The following TMPRSS15 variants were observed in gnomAD, a reference collection of about 807,000 sequenced individuals.
The protein encoded by TMPRSS15 is transmembrane serine protease 15.
TMPRSS15 carries 128 observed loss-of-function variants against 125.3 expected under a neutral mutation model. That is an observed-to-expected ratio of 1.02 (90% CI 0.89 to 1.18). The LOEUF is 1.18. TMPRSS15 is among the 50% of genes most tolerant of loss of function. TMPRSS15 has a pLI of 0.00. For synonymous variants in TMPRSS15, 446 were observed against 423.2 expected (o/e 1.05, Z -0.66); for missense variants, 1,283 against 1,212.7 (o/e 1.06, Z -0.86).
At chr21:18,352,591 C>T (rs1038469139) in intron 10 of TMPRSS15, among the ~76,000 whole-genome samples, 2 of 151,928 alleles carry the variant, frequency 1.3e-5, no homozygotes, top group African/African-American at 4.8e-5. Flanking sequence ...AGCTAATTGC[C>T]TCACTCAAAT....
At chr21:18,476,425 GA>G (rs1458503511) in intron 1 of TMPRSS15, among the ~76,000 whole-genome samples, 1 of 152,066 alleles carries the variant, frequency 6.6e-6, no homozygotes, top group Non-Finnish European at 1.5e-5. Context: ...TCTTTAAAGG[GA>G]AAATGAACTA....
At chr21:18,295,117 A>G (rs116907908) in intron 19 of TMPRSS15, among the ~76,000 whole-genome samples, 4,678 of 152,304 alleles carry the variant, frequency 0.031, 92 homozygotes, top group Non-Finnish European at 0.047. Context: ...CGTGCCCAAC[A>G]CCGTGTATGA....
At chr21:18,343,467 A>T in intron 12 of TMPRSS15, 39 bp downstream of exon 12, 1 of 1,524,186 alleles carries the variant, frequency 6.6e-7, no homozygotes, top group Non-Finnish European at 9.1e-7. Context: ...TTCCACCACA[A>T]AAAGGATACA....
chr21:18,328,854 G>A (rs1479276078), intron 15 of TMPRSS15, among the ~76,000 whole-genome samples: 2 of 152,148 alleles, frequency 1.3e-5, no homozygotes, highest in Non-Finnish European at 2.9e-5. Flanking sequence ...ATTATGCATT[G>A]TAGGCCTGTA....
At chr21:18,340,372 G>A (rs940016679) in intron 13 of TMPRSS15, among the ~76,000 whole-genome samples, 1 of 152,176 alleles carries the variant, frequency 6.6e-6, no homozygotes, top group Non-Finnish European at 1.5e-5. Flanking sequence ...GGTTGCCAGA[G>A]GCTCTCAGGC....
chr21:18,442,415 TTACA>T (rs561672271), intron 1 of TMPRSS15, among the ~76,000 whole-genome samples: 286 of 152,340 alleles, frequency 1.9e-3, no homozygotes, highest in African/African-American at 6.6e-3. Flanking sequence ...TTTTTTCTCC[TTACA>T]TATATTTTTC....
chr21:18,336,030 C>T (rs989891), intron 13 of TMPRSS15, among the ~76,000 whole-genome samples: 49,923 of 150,798 alleles, frequency 0.33, 9,081 homozygotes, highest in South Asian at 0.45. Flanking sequence ...ACTGCATATA[C>T]TATGTAAATA....
chr21:18,281,064 G>A lies in TMPRSS15; in HGVS notation c.2644C>T (p.Leu882=), dbSNP rs1240313014. 1 of 1,613,654 alleles carries A rather than the reference G, an allele frequency of 6.2e-7. No homozygotes were observed. The highest frequency in any genetic ancestry group is 8.5e-7 in the Non-Finnish European group (1 of 1,179,958). ...CCTGTGTAATTCACTTTAAATTCCA[G>A]ATGCATCATGGCAATGTCGTTGTCC... The part of the protein sequence containing the change: ...RKDNDIAMMH[L]EFKVNYTDYI... The change falls in exon 22 of 25, where the codon CTG becomes TTG. Residue 882 remains leucine (L), a synonymous_variant. Transcript: ENST00000284885.
At chr21:18,297,602 A>C (rs1386485814) in intron 19 of TMPRSS15, 132 bp downstream of exon 19, 2 of 693,760 alleles carry the variant, frequency 2.9e-6, no homozygotes, top group Non-Finnish European at 5.1e-6. Context: ...TTACTTAAAT[A>C]ATAATATAAG....
intron 5 of TMPRSS15, among the ~76,000 whole-genome samples, chr21:18,375,158 A>C (rs1450032506): frequency 6.6e-6 from 1 of 152,220 alleles, no homozygotes; most frequent in East Asian, 1.9e-4. Context: ...TTTCTGTATT[A>C]AAACTAGTAT....
At chr21:18,343,123 T>C (rs1601361858) in intron 12 of TMPRSS15, among the ~76,000 whole-genome samples, 1 of 152,062 alleles carries the variant, frequency 6.6e-6, no homozygotes, top group Admixed American at 6.5e-5. Context: ...GGCATAGGCA[T>C]AGAAAAGGGC....
At position 18,271,550 on chromosome 21, in the gene TMPRSS15, A is replaced by ACAT. The variant is rs772866812; in HGVS notation, c.2905-1429_2905-1427dup. ...TTACTTCTTGTCATCTAACTATAAC[A>ACAT]CATCAGTTTAGTTATGTAACTTCTC... On this transcript the variant is annotated intron_variant, in intron 24 of 24. Transcript: ENST00000284885. Among the ~76,000 whole-genome samples the ACAT allele has an allele frequency of 2.6e-5, 4 of 151,658 alleles. No individual in the cohort carries two copies. In the South Asian group the frequency reaches 6.2e-4, roughly 24 times the overall value.
intron 1 of TMPRSS15, among the ~76,000 whole-genome samples, chr21:18,440,960 C>A (rs1443313402): frequency 2.0e-5 from 3 of 152,046 alleles, no homozygotes; most frequent in Admixed American, 6.5e-5. Flanking sequence ...GCTATTTGAA[C>A]AATTGAACAA....
intron 6 of TMPRSS15, among the ~76,000 whole-genome samples, chr21:18,367,653 G>T (rs528762175): frequency 7.0e-4 from 106 of 152,292 alleles, no homozygotes; most frequent in Non-Finnish European, 1.3e-3. Flanking sequence ...AAGCAATGAG[G>T]TAGGGTGCTC....
chr21:18,349,187 A>G (rs2075539097), intron 10 of TMPRSS15, among the ~76,000 whole-genome samples: 2 of 152,140 alleles, frequency 1.3e-5, no homozygotes, highest in Non-Finnish European at 2.9e-5. Context: ...CGATCCCTAT[A>G]TTTCTGAAGT....
In TMPRSS15 at chr21:18,359,752, C is replaced by G. The variant is rs765811360; in HGVS notation, c.880+5G>C. The G allele has an allele frequency of 5.5e-6, 7 of 1,282,702 alleles. No individual in the cohort carries two copies. Among genetic ancestry groups the G allele is most frequent in the Non-Finnish European group, 7.9e-6 (7 of 883,186 alleles). The allele number at this position is 1,282,702 out of a possible 1,614,324, so 79.5% of individuals were successfully genotyped here. On this transcript the variant is annotated splice_donor_5th_base_variant and intron_variant, in intron 8 of 24. Transcript: ENST00000284885. ...ATAAGTAATTGTATATTTGTTTCAA[C>G]TTACCTCTTAAAATCTTGCTTGATC...
chr21:18,313,456 G>T (rs1339531228), intron 17 of TMPRSS15, among the ~76,000 whole-genome samples: 7 of 149,882 alleles, frequency 4.7e-5, no homozygotes, highest in African/African-American at 7.4e-5. Flanking sequence ...ACATCACATT[G>T]TAACCCATAA....
intron 1 of TMPRSS15, among the ~76,000 whole-genome samples, chr21:18,456,525 C>T (rs537188468): frequency 6.6e-6 from 1 of 152,108 alleles, no homozygotes; most frequent in South Asian, 2.1e-4. Context: ...GAGACTAGAC[C>T]TGAAGAGGGC....
rs11908859 is a variant in TMPRSS15 at position 18,340,263 on chromosome 21, G to T, written c.1564+1150C>A. On this transcript the variant is annotated intron_variant, in intron 13 of 24. Transcript: ENST00000284885. Reference sequence around the variant, plus strand: ...AGAACATGGAAGGATTAGACTGGCTGAATTTTCTGGCCTTCATCTTTCCCC... The same window carrying T: ...AGAACATGGAAGGATTAGACTGGCTTAATTTTCTGGCCTTCATCTTTCCCC... 3.3e-3 allele frequency among the ~76,000 whole-genome samples: 510 copies of T among 152,296 alleles called. 2 individuals are homozygous for T. The highest frequency in any genetic ancestry group is 0.011 in the African/African-American group (470 of 41,560).
Sources: gnomAD v4.1 joint callset for allele counts (sites outside exome capture counted in the v4.1 genomes callset) on GRCh38, gnomAD v4.1.1 for gene constraint, MANE v1.5 for transcripts, NCBI Gene and HGNC (gene_info 2026-07-23, HGNC 2026-07-21) for gene names.